The following SMAP1 variants were observed in gnomAD, a reference collection of about 807,000 sequenced individuals.
SMAP1 encodes the protein stromal membrane-associated protein 1.
Under a neutral mutation model 58.5 loss-of-function variants are expected in SMAP1, and 24 were observed. The observed-to-expected ratio is 0.41, with a 90% confidence interval of 0.30 to 0.58. The LOEUF (loss-of-function observed/expected upper bound fraction) is 0.58. Among genes scored for constraint, SMAP1 ranks in the 20% least tolerant of loss-of-function variants. The pLI, the probability that SMAP1 is intolerant of heterozygous loss-of-function variation, is 0.29. For missense variants in SMAP1, 563 were observed against 566.3 expected, an observed-to-expected ratio of 0.99 and a Z score of 0.06; for synonymous variants, 216 against 196.6, an observed-to-expected ratio of 1.10 and a Z score of -0.82.
rs530399312 is a variant in SMAP1 at position 70,692,719 on chromosome 6, G to A, written c.118+24578G>A. Among the ~76,000 whole-genome samples the A allele has an allele frequency of 9.9e-5, 15 of 152,242 alleles. No individual in the cohort carries two copies. In the South Asian group the frequency reaches 2.5e-3, roughly 25 times the overall value. On this transcript the variant is annotated intron_variant, in intron 1 of 10. Coordinates refer to ENST00000370455, the MANE Select transcript of SMAP1 (RefSeq NM_001044305.3). The stretch of plus-strand genomic sequence containing the variant: ...TTCTGGGCCCCTTTGTCAAAAATGA[G>A]TTCACTCTAGATGTATGGATTTATT...
chr6:70,770,572 G>T (rs535761152), intron 3 of SMAP1, among the ~76,000 whole-genome samples: 39 of 152,178 alleles, frequency 2.6e-4, no homozygotes, highest in Non-Finnish European at 4.6e-4. Flanking sequence ...TCTTCATGTA[G>T]TTCTCGAGCC....
intron 1 of SMAP1, among the ~76,000 whole-genome samples, chr6:70,706,133 A>G (rs747183731): frequency 4.3e-4 from 66 of 152,304 alleles, no homozygotes; most frequent in Non-Finnish European, 5.3e-4. Context: ...AAACTTTATC[A>G]TTCTGTTCCT....
chr6:70,802,027 A>ACT (rs1768878746), intron 6 of SMAP1, among the ~76,000 whole-genome samples: 1 of 152,188 alleles, frequency 6.6e-6, no homozygotes, highest in Non-Finnish European at 1.5e-5. Flanking sequence ...TGAACTTTAA[A>ACT]GTAGTTTTTT....
chr6:70,704,447 A>AT (rs200484101), intron 1 of SMAP1, among the ~76,000 whole-genome samples: 3 of 151,746 alleles, frequency 2.0e-5, no homozygotes, highest in African/African-American at 7.2e-5. Context: ...AATATTACAG[A>AT]TTTTTTTTTC....
intron 1 of SMAP1, among the ~76,000 whole-genome samples, chr6:70,720,189 C>T (rs1164162061): frequency 6.6e-6 from 1 of 152,116 alleles, no homozygotes; most frequent in Non-Finnish European, 1.5e-5. Context: ...GAGAAATTGG[C>T]CAAAACAAAG....
chr6:70,700,712 G>A (rs1028189080), intron 1 of SMAP1, among the ~76,000 whole-genome samples: 3 of 152,196 alleles, frequency 2.0e-5, no homozygotes, highest in African/African-American at 7.2e-5. Flanking sequence ...TGAACATGGT[G>A]GGTCATGCTT....
chr6:70,811,573 G>GACACACACAC (rs139108005), intron 6 of SMAP1, among the ~76,000 whole-genome samples: 8 of 150,302 alleles, frequency 5.3e-5, no homozygotes, highest in African/African-American at 1.7e-4. Context: ...CACCCCTGCT[G>GACACACACAC]ACACACACAC....
intron 1 of SMAP1, among the ~76,000 whole-genome samples, chr6:70,717,344 A>G (rs1373643112): frequency 1.3e-5 from 2 of 152,198 alleles, no homozygotes; most frequent in Non-Finnish European, 2.9e-5. Context: ...ACGAATACCA[A>G]GACACTCTTG....
intron 3 of SMAP1, among the ~76,000 whole-genome samples, chr6:70,766,628 T>G (rs1377613182): frequency 6.6e-6 from 1 of 152,224 alleles, no homozygotes; most frequent in Non-Finnish European, 1.5e-5. Flanking sequence ...TTGAGTTCAT[T>G]GTAGATTCTG....
At chr6:70,733,699 A>C (rs1349240525) in intron 2 of SMAP1, among the ~76,000 whole-genome samples, 1 of 152,184 alleles carries the variant, frequency 6.6e-6, no homozygotes, top group Non-Finnish European at 1.5e-5. Context: ...TTTTTCAAGA[A>C]ACGTGTGAGG....
chr6:70,687,305 T>C (rs1766973864), intron 1 of SMAP1, among the ~76,000 whole-genome samples: 1 of 152,202 alleles, frequency 6.6e-6, no homozygotes, highest in Non-Finnish European at 1.5e-5. Flanking sequence ...ATGTATTCTT[T>C]TCACATTACA....
intron 6 of SMAP1, 40 bp downstream of exon 6, chr6:70,798,777 A>G (rs1230298127): frequency 7.0e-7 from 1 of 1,418,712 alleles, no homozygotes; most frequent in African/African-American, 1.5e-5. Flanking sequence ...TAGGATTACC[A>G]TTTTATTTGT....
rs1338473306 is a variant in SMAP1, at chr6:70,702,886, C to T, written c.119-29492C>T. On this transcript the variant is annotated intron_variant, in intron 1 of 10. Transcript: ENST00000370455. Reference sequence around the variant, plus strand: ...AGTGCAAGCAGTTCACCTGCTTTGGCCTTCCAAAGTGCTGGGATTACAGGC... The same window carrying T: ...AGTGCAAGCAGTTCACCTGCTTTGGTCTTCCAAAGTGCTGGGATTACAGGC... Among the ~76,000 whole-genome samples the T allele has an allele frequency of 3.9e-5, 6 of 152,116 alleles. No homozygotes were observed. The South Asian group carries it at 6.2e-4, about 16-fold the overall frequency.
At chr6:70,675,624 C>T (rs1182084639) in intron 1 of SMAP1, among the ~76,000 whole-genome samples, 4 of 149,158 alleles carry the variant, frequency 2.7e-5, no homozygotes, top group African/African-American at 1.0e-4. Context: ...GCACTATAGC[C>T]TGGGCAACAG....
At chr6:70,705,097 A>C (rs1767782163) in intron 1 of SMAP1, among the ~76,000 whole-genome samples, 1 of 152,206 alleles carries the variant, frequency 6.6e-6, no homozygotes, top group South Asian at 2.1e-4. Context: ...TTTTGATGAC[A>C]GTGAGTCAAT....
At chr6:70,823,316 C>G (rs1267457446) in intron 6 of SMAP1, among the ~76,000 whole-genome samples, 2 of 152,036 alleles carry the variant, frequency 1.3e-5, no homozygotes, top group African/African-American at 4.8e-5. Context: ...CTTTAATGAG[C>G]CTGTGCCCCT....
At chr6:70,702,636 T>G (rs1252451752) in intron 1 of SMAP1, among the ~76,000 whole-genome samples, 1 of 151,724 alleles carries the variant, frequency 6.6e-6, no homozygotes, top group Non-Finnish European at 1.5e-5. Flanking sequence ...CTTCTTCTTC[T>G]TCTTCTTTTT....
chr6:70,798,335 G>T (rs1768695670), intron 5 of SMAP1, among the ~76,000 whole-genome samples: 1 of 150,676 alleles, frequency 6.6e-6, no homozygotes, highest in African/African-American at 2.4e-5. Flanking sequence ...CCTAATAAAA[G>T]GATATAGTGA....
chr6:70,735,938 T>A (rs1407619066), intron 2 of SMAP1, among the ~76,000 whole-genome samples: 1 of 152,218 alleles, frequency 6.6e-6, no homozygotes, highest in Non-Finnish European at 1.5e-5. Context: ...AAAATACCTT[T>A]TATTAGTAAA....
Sources: allele counts gnomAD v4.1 joint callset (sites outside exome capture counted in the v4.1 genomes callset), GRCh38; gene constraint gnomAD v4.1.1; transcripts MANE v1.5; gene names NCBI Gene and HGNC (gene_info 2026-07-23, HGNC 2026-07-21).